RAP1GAP2: variants seen among roughly 807,000 people sequenced by gnomAD.
The protein encoded by RAP1GAP2 is rap1 GTPase-activating protein 2.
Under a neutral mutation model 95.0 loss-of-function variants are expected in RAP1GAP2, and 27 were observed. The observed-to-expected ratio is 0.28, with a 90% confidence interval of 0.21 to 0.39. The LOEUF (loss-of-function observed/expected upper bound fraction) is 0.39, where lower values mean the gene tolerates loss of function less well. Among genes scored for constraint, RAP1GAP2 ranks in the 10% least tolerant of loss-of-function variants. The pLI is 1.00. For missense variants in RAP1GAP2, 771 were observed against 970.0 expected, an observed-to-expected ratio of 0.79 and a Z score of 2.72; for synonymous variants, 373 against 380.9, an observed-to-expected ratio of 0.98 and a Z score of 0.24.
intron 8 of RAP1GAP2, among the ~76,000 whole-genome samples, chr17:2,974,538 A>G (rs1000589144): frequency 7.2e-5 from 11 of 152,182 alleles, no homozygotes; most frequent in African/African-American, 2.4e-4. Flanking sequence ...TTAATTAGAA[A>G]GTGACAAGAA....
intron 1 of RAP1GAP2, among the ~76,000 whole-genome samples, chr17:2,763,046 G>A (rs1421056285): frequency 1.3e-5 from 2 of 152,256 alleles, no homozygotes; most frequent in East Asian, 3.9e-4. Context: ...CTCTCCTTCA[G>A]TGTAGTGTTC....
intron 2 of RAP1GAP2, among the ~76,000 whole-genome samples, chr17:2,836,117 G>A (rs185379644): frequency 2.0e-3 from 310 of 152,174 alleles, no homozygotes; most frequent in African/African-American, 6.2e-3. Context: ...GCCTTCGGGG[G>A]GTGCTCCCTG....
intron 22 of RAP1GAP2, among the ~76,000 whole-genome samples, chr17:3,028,642 C>T (rs948140554): frequency 1.3e-5 from 2 of 152,160 alleles, no homozygotes; most frequent in Admixed American, 6.5e-5. Flanking sequence ...CCTTTGCATG[C>T]GTGTTTCTCA....
chr17:2,989,468 G>T (rs955677997), intron 11 of RAP1GAP2, among the ~76,000 whole-genome samples: 2 of 152,054 alleles, frequency 1.3e-5, no homozygotes, highest in Non-Finnish European at 2.9e-5. Flanking sequence ...AGGTAGCTGG[G>T]ACTACAGGCA....
At chr17:2,835,145 A>G (rs1435011662) in intron 2 of RAP1GAP2, among the ~76,000 whole-genome samples, 2 of 150,604 alleles carry the variant, frequency 1.3e-5, no homozygotes, top group Non-Finnish European at 2.9e-5. Context: ...GATGGTCTCG[A>G]TCTCCTGACC....
At chr17:2,798,238 C>T (rs1336526045) in intron 1 of RAP1GAP2, among the ~76,000 whole-genome samples, 1 of 152,152 alleles carries the variant, frequency 6.6e-6, no homozygotes, top group Admixed American at 6.5e-5. Context: ...CTAGGATGTC[C>T]CAGACGCCCT....
At chr17:3,031,531 G>C (rs56160479) in intron 23 of RAP1GAP2, among the ~76,000 whole-genome samples, 140 of 102,560 alleles carry the variant, frequency 1.4e-3, no homozygotes, top group Middle Eastern at 9.3e-3. Flanking sequence ...GCCAGACTAT[G>C]GAGAACTCCA....
Position 2,857,123 on chromosome 17 carries a change from G to A in RAP1GAP2, c.81-48161G>A, listed in dbSNP as rs535980532. Among the ~76,000 whole-genome samples, 11 of 152,350 alleles carry A rather than the reference G, an allele frequency of 7.2e-5. No homozygotes were observed. The highest frequency in any genetic ancestry group is 2.6e-4 in the African/African-American group (11 of 41,578). ...TTCCTTCCACCACCTCTCATCACAA[G>A]GTGGGGTCAGGCTCAGGCCCCTTCT... On this transcript the variant is annotated intron_variant, in intron 2 of 24. Coordinates refer to ENST00000254695, the MANE Select transcript of RAP1GAP2 (RefSeq NM_015085.5). The surrounding 1 kb of genome is among the most constrained non-coding windows in gnomAD (Gnocchi z 4.0).
intron 2 of RAP1GAP2, among the ~76,000 whole-genome samples, 199 bp downstream of exon 2, chr17:2,800,749 G>T (rs1250322584): frequency 2.0e-5 from 3 of 152,152 alleles, no homozygotes; most frequent in Non-Finnish European, 4.4e-5. Flanking sequence ...GGTAGAGGTG[G>T]GAATGGAATC....
intron 2 of RAP1GAP2, among the ~76,000 whole-genome samples, chr17:2,876,657 T>G (rs1373372031): frequency 6.6e-6 from 1 of 152,190 alleles, no homozygotes; most frequent in African/African-American, 2.4e-5. Flanking sequence ...CAAATGTTTC[T>G]TATAGACCTG....
Position 2,949,538 on chromosome 17 carries a change from G to A in RAP1GAP2, c.166-8221G>A, listed in dbSNP as rs570793841. Among the ~76,000 whole-genome samples the A allele has an allele frequency of 1.4e-3, 207 of 151,854 alleles. 2 individuals are homozygous for A. Among genetic ancestry groups the A allele is most frequent in the African/African-American group, 4.8e-3 (199 of 41,372 alleles). ...TGTATGCCCTGAGCATTAACTGAGT[G>A]CCTGCTGTATGCCCTGAGCATTAAC... On this transcript the variant is annotated intron_variant, in intron 3 of 24. Transcript: ENST00000254695.
chr17:2,874,666 C>T (rs540668920), intron 2 of RAP1GAP2, among the ~76,000 whole-genome samples: 12 of 152,140 alleles, frequency 7.9e-5, no homozygotes, highest in Non-Finnish European at 1.5e-4. Flanking sequence ...GGAAATGAGA[C>T]GGTAGGTGCT....
At chr17:2,931,461 G>A (rs28729707) in intron 3 of RAP1GAP2, among the ~76,000 whole-genome samples, 79,220 of 152,078 alleles carry the variant, frequency 0.52, 20,961 homozygotes, top group Non-Finnish European at 0.55. Flanking sequence ...CAGCGGGGCC[G>A]GGAAGGACAG....
chr17:2,978,429 G>A (rs970270765), intron 8 of RAP1GAP2, among the ~76,000 whole-genome samples: 4 of 151,952 alleles, frequency 2.6e-5, no homozygotes, highest in African/African-American at 4.8e-5. Context: ...CGTGTAGGGC[G>A]TGGGTATGCT....
chr17:2,810,616 T>C (rs59124067), intron 2 of RAP1GAP2, among the ~76,000 whole-genome samples: 10,064 of 140,064 alleles, frequency 0.072, 748 homozygotes, highest in African/African-American at 0.19. Context: ...CTGCAACCTC[T>C]GCCTCCCAGG....
At chr17:3,032,727 G>C (rs1194324213) in intron 24 of RAP1GAP2, among the ~76,000 whole-genome samples, 1 of 149,278 alleles carries the variant, frequency 6.7e-6, no homozygotes, top group Non-Finnish European at 1.5e-5. Flanking sequence ...GGCAGAAGGG[G>C]AGTCGCCCAA....
chr17:2,908,607 G>A (rs1319580758), intron 3 of RAP1GAP2, among the ~76,000 whole-genome samples: 1 of 151,898 alleles, frequency 6.6e-6, no homozygotes, highest in Non-Finnish European at 1.5e-5. Context: ...AGAAGGAGGC[G>A]GCGAGAATGG....
intron 2 of RAP1GAP2, among the ~76,000 whole-genome samples, chr17:2,828,115 C>T (rs1201353312): frequency 3.3e-5 from 5 of 151,956 alleles, no homozygotes; most frequent in South Asian, 2.1e-4. Context: ...CCAAGGCTGG[C>T]GGATCACTTG....
At chr17:2,891,908 C>G (rs2073737549) in intron 2 of RAP1GAP2, among the ~76,000 whole-genome samples, 1 of 141,470 alleles carries the variant, frequency 7.1e-6, no homozygotes, top group Non-Finnish European at 1.5e-5. Context: ...ACTGCAACCT[C>G]TGCCTCCTCG....
Sources: allele counts gnomAD v4.1 joint callset (sites outside exome capture counted in the v4.1 genomes callset), GRCh38; gene constraint gnomAD v4.1.1; non-coding constraint Gnocchi (gnomAD v3.1); transcripts MANE v1.5; gene names NCBI Gene and HGNC (gene_info 2026-07-23, HGNC 2026-07-21).